The following AMPH variants were observed in gnomAD, a reference collection of about 807,000 sequenced individuals.
AMPH encodes amphiphysin, also known as amphiphysin (Stiff-Mann syndrome with breast cancer 128kD autoantigen).
In AMPH, 49 loss-of-function variants were observed where a neutral mutation model predicts 99.1. That is an observed-to-expected ratio of 0.49 (90% CI 0.39 to 0.63). AMPH has a LOEUF of 0.63. Among genes scored for constraint, AMPH ranks in the 20% least tolerant of loss-of-function variants. AMPH has a pLI of 0.00. For synonymous variants in AMPH, 314 were observed against 317.3 expected (o/e 0.99, Z 0.11); for missense variants, 759 against 863.4 (o/e 0.88, Z 1.52).
intron 10 of AMPH, among the ~76,000 whole-genome samples, chr7:38,462,475 T>C (rs1787486191): frequency 1.3e-5 from 2 of 152,308 alleles, no homozygotes; most frequent in South Asian, 2.1e-4. Flanking sequence ...CCAGCCCTTA[T>C]TGTTTCTCTT....
chr7:38,618,278 C>T lies in AMPH; in HGVS notation c.69+13005G>A, dbSNP rs190598914. Among the ~76,000 whole-genome samples the T allele has an allele frequency of 4.4e-4, 67 of 151,116 alleles. No homozygotes were observed. The East Asian group carries it at 9.5e-3, about 22-fold the overall frequency. ...CTATAATCCCAGCACTTTGGGAGGC[C>T]GAGGCGGGCAGATCATGAGGTCAGG... On this transcript the variant is annotated intron_variant, in intron 1 of 20. Transcript: ENST00000356264.
chr7:38,523,059 G>T (rs370108562), intron 2 of AMPH, among the ~76,000 whole-genome samples: 2 of 150,758 alleles, frequency 1.3e-5, no homozygotes, highest in African/African-American at 4.9e-5. Context: ...AGTGAGTGGC[G>T]ATCGCACCTC....
At chr7:38,415,804 GGATCACACTGT>G (rs1785364956) in intron 17 of AMPH, among the ~76,000 whole-genome samples, 1 of 151,854 alleles carries the variant, frequency 6.6e-6, no homozygotes, top group African/African-American at 2.4e-5. Context: ...TGGAAAGCGT[GGATCACACTGT>G]GAGCTCTGCA....
Position 38,391,855 on chromosome 7 carries a change from T to G in AMPH, c.1771A>C (p.Ile591Leu). ...TPELATEQKPIQDPQPTPSAP... is the reference protein window; with the variant it reads ...TPELATEQKPLQDPQPTPSAP... ...GAAGGCGTGGGCTGAGGGTCCTGGA[T>G]AGGCTTCTGCTCCGTAGCCAGCTCC... The change falls in exon 19 of 21, where the codon ATC becomes CTC. Residue 591 changes from isoleucine (I) to leucine (L), a missense_variant. Coordinates refer to ENST00000356264, the MANE Select transcript of AMPH (RefSeq NM_001635.4). The G allele has an allele frequency of 6.2e-7, 1 of 1,613,032 alleles. No individual in the cohort carries two copies. The highest frequency in any genetic ancestry group is 8.5e-7 in the Non-Finnish European group (1 of 1,179,782).
intron 1 of AMPH, among the ~76,000 whole-genome samples, chr7:38,566,833 A>G (rs1791762012): frequency 6.6e-6 from 1 of 152,240 alleles, no homozygotes. Context: ...TCAAAACCAC[A>G]ATGAGATATC....
intron 5 of AMPH, among the ~76,000 whole-genome samples, chr7:38,490,042 T>G (rs1788662917): frequency 6.6e-6 from 1 of 152,186 alleles, no homozygotes; most frequent in African/African-American, 2.4e-5. Flanking sequence ...TGATTACTAT[T>G]GTGAGACTGT....
intron 1 of AMPH, among the ~76,000 whole-genome samples, chr7:38,577,652 A>AAGGG (rs558642209): frequency 6.6e-6 from 1 of 151,766 alleles, no homozygotes; most frequent in South Asian, 2.1e-4. Flanking sequence ...GAGAGAGGAG[A>AAGGG]AGGGAGGGAG....
At chr7:38,461,888 T>C (rs921977303) in intron 10 of AMPH, among the ~76,000 whole-genome samples, 3 of 152,274 alleles carry the variant, frequency 2.0e-5, no homozygotes, top group African/African-American at 7.2e-5. Flanking sequence ...GTCTGTTTAA[T>C]GCATGTATCT....
chr7:38,530,944 T>C (rs534730887), intron 2 of AMPH: 1 of 152,352 alleles, frequency 6.6e-6, no homozygotes, highest in Non-Finnish European at 1.5e-5. Flanking sequence ...AAGTTTTTTG[T>C]AGAAGAGTTC....
chr7:38,625,817 C>T (rs1794219594), intron 1 of AMPH, among the ~76,000 whole-genome samples: 1 of 152,082 alleles, frequency 6.6e-6, no homozygotes, highest in Admixed American at 6.6e-5. Context: ...ATGGAAGAAA[C>T]ATTCTGTTAC....
chr7:38,496,055 G>A (rs1584167866), intron 3 of AMPH, among the ~76,000 whole-genome samples: 1 of 152,142 alleles, frequency 6.6e-6, no homozygotes, highest in East Asian at 1.9e-4. Context: ...CTTGGCCTTT[G>A]TCACTACGGG....
chr7:38,569,581 C>T (rs1031829148), intron 1 of AMPH, among the ~76,000 whole-genome samples: 3 of 151,694 alleles, frequency 2.0e-5, no homozygotes, highest in African/African-American at 7.3e-5. Flanking sequence ...GGGCTGCTTC[C>T]ATTTTATAAT....
At position 38,417,514 on chromosome 7, in the gene AMPH, G is replaced by A. The variant is rs796718884; in HGVS notation, c.1398+311C>T. On this transcript the variant is annotated intron_variant, in intron 17 of 20. Coordinates refer to ENST00000356264, the MANE Select transcript of AMPH (RefSeq NM_001635.4). ...CATGCAAGTTCCCTAATAAAGGCAC[G>A]TCTCCAGCTGTCACAGGTAGAACAA... Among the ~76,000 whole-genome samples the A allele has an allele frequency of 5.9e-5, 9 of 152,240 alleles. 1 individual carries two copies. The highest frequency in any genetic ancestry group is 2.2e-4 in the African/African-American group (9 of 41,542).
At chr7:38,528,732 G>T (rs1790284239) in intron 2 of AMPH, among the ~76,000 whole-genome samples, 1 of 151,182 alleles carries the variant, frequency 6.6e-6, no homozygotes, top group African/African-American at 2.4e-5. Context: ...ATTGATTTCT[G>T]TTCTTTTTTT....
At chr7:38,456,098 TG>T (rs1455447082) in intron 11 of AMPH, among the ~76,000 whole-genome samples, 1 of 152,142 alleles carries the variant, frequency 6.6e-6, no homozygotes, top group East Asian at 1.9e-4. Context: ...CATCCCTCCC[TG>T]GGGCCAAGGC....
intron 11 of AMPH, among the ~76,000 whole-genome samples, chr7:38,454,632 A>G (rs1781576017): frequency 6.6e-6 from 1 of 152,182 alleles, no homozygotes; most frequent in Non-Finnish European, 1.5e-5. Flanking sequence ...CAGTAGGAAC[A>G]CTGACTTTCA....
intron 17 of AMPH, 121 bp from the exon 18 acceptor site, chr7:38,394,335 C>T: frequency 9.7e-7 from 1 of 1,026,344 alleles, no homozygotes; most frequent in South Asian, 1.5e-5. Context: ...ACATTCTTTG[C>T]ACTCCCAGGA....
At chr7:38,475,454 G>A (rs1206649545) in intron 6 of AMPH, 38 bp from the exon 7 acceptor site, 4 of 1,389,462 alleles carry the variant, frequency 2.9e-6, no homozygotes, top group Non-Finnish European at 3.1e-6. Context: ...CACTAAGAAA[G>A]ACCATTTCTA....
chr7:38,410,891 C>CA (rs1276611547), intron 17 of AMPH, among the ~76,000 whole-genome samples: 6 of 152,220 alleles, frequency 3.9e-5, no homozygotes, highest in Non-Finnish European at 5.9e-5. Flanking sequence ...TCCTCAGCCA[C>CA]AAACCAGGAA....
Sources: allele counts gnomAD v4.1 joint callset (sites outside exome capture counted in the v4.1 genomes callset), GRCh38; gene constraint gnomAD v4.1.1; transcripts MANE v1.5; gene names NCBI Gene and HGNC (gene_info 2026-07-23, HGNC 2026-07-21).